The following FHOD3 variants were observed in gnomAD, a reference collection of about 807,000 sequenced individuals.
FHOD3 encodes the protein formin homology 2 domain containing 3.
FHOD3 carries 90 observed loss-of-function variants against 173.0 expected under a neutral mutation model. The observed-to-expected ratio is 0.52, with a 90% CI of 0.44 to 0.62. FHOD3 has a LOEUF of 0.62. Ranked by LOEUF, FHOD3 falls within the 20% of genes least tolerant of loss-of-function variation. FHOD3 has a pLI of 0.00. For synonymous variants in FHOD3, 828 were observed against 823.0 expected, an observed-to-expected ratio of 1.01 and a Z score of -0.10; for missense variants, 1,945 against 2,034.7, an observed-to-expected ratio of 0.96 and a Z score of 0.85.
rs932252150 is a variant in FHOD3, at chr18:36,693,126, C to T, written c.2022-83C>T. On this transcript the variant is annotated intron_variant, in intron 16 of 28. Transcript: ENST00000590592. The stretch of plus-strand genomic sequence containing the variant: ...GTGTGCATCAGGAAACCGGCTCATT[C>T]TGCAGGTGTTTCATCCATAAACAAG... 4.4e-6 allele frequency: 6 copies of T among 1,362,206 alleles called. No homozygotes were observed. In the African/African-American group the frequency reaches 8.7e-5, roughly 20 times the overall value. 84.4% of individuals were successfully genotyped at this position (1,362,206 alleles called of 1,614,324 possible).
chr18:36,700,985 G>T (rs1292852031), intron 17 of FHOD3, among the ~76,000 whole-genome samples: 1 of 152,218 alleles, frequency 6.6e-6, no homozygotes, highest in Non-Finnish European at 1.5e-5. Flanking sequence ...CAGTTGGGAT[G>T]CAGGGCTTAC....
At chr18:36,632,191 A>G (rs1328191719) in intron 10 of FHOD3, among the ~76,000 whole-genome samples, 1 of 152,246 alleles carries the variant, frequency 6.6e-6, no homozygotes, top group Non-Finnish European at 1.5e-5. Flanking sequence ...CCGTCAGCAT[A>G]TGACTCACCA....
intron 10 of FHOD3, among the ~76,000 whole-genome samples, chr18:36,632,507 T>C (rs759045096): frequency 6.6e-6 from 1 of 152,228 alleles, no homozygotes; most frequent in Non-Finnish European, 1.5e-5. Context: ...TATTAATATT[T>C]TGACCATTTT....
chr18:36,685,756 A>G (rs2038568884), intron 15 of FHOD3, among the ~76,000 whole-genome samples: 2 of 152,244 alleles, frequency 1.3e-5, no homozygotes, highest in Non-Finnish European at 2.9e-5. Context: ...GTTGAAAACC[A>G]TGATGTTAGG....
chr18:36,630,914 T>C (rs1420823715), intron 10 of FHOD3, among the ~76,000 whole-genome samples: 1 of 152,140 alleles, frequency 6.6e-6, no homozygotes, highest in Non-Finnish European at 1.5e-5. Context: ...TATAAATGGG[T>C]CTTGTGGGAG....
intron 3 of FHOD3, among the ~76,000 whole-genome samples, chr18:36,477,126 G>T (rs573978368): frequency 6.6e-6 from 1 of 152,214 alleles, no homozygotes; most frequent in Non-Finnish European, 1.5e-5. Flanking sequence ...TAAGGAGGAG[G>T]ACAGGGACAT....
intron 7 of FHOD3, among the ~76,000 whole-genome samples, chr18:36,597,523 T>A (rs1268311314): frequency 6.6e-6 from 1 of 152,126 alleles, no homozygotes; most frequent in Non-Finnish European, 1.5e-5. Context: ...GCCTCTCGGG[T>A]TCACGCCATT....
intron 3 of FHOD3, among the ~76,000 whole-genome samples, chr18:36,413,741 A>C (rs1187835259): frequency 1.3e-5 from 2 of 152,204 alleles, no homozygotes; most frequent in Non-Finnish European, 2.9e-5. Context: ...ACATTTTCTT[A>C]GTGTAGTAAA....
intron 3 of FHOD3, among the ~76,000 whole-genome samples, chr18:36,460,139 G>T (rs545312552): frequency 5.9e-5 from 9 of 152,234 alleles, no homozygotes; most frequent in Middle Eastern, 3.4e-3. Flanking sequence ...CATGACTTAC[G>T]ACTTGATGTT....
intron 5 of FHOD3, among the ~76,000 whole-genome samples, chr18:36,538,218 T>C (rs1397708273): frequency 6.6e-6 from 1 of 152,150 alleles, no homozygotes; most frequent in Admixed American, 6.5e-5. Context: ...TAGAACTAAA[T>C]GTCTATATTA....
chr18:36,570,900 G>A (rs2058429021), intron 5 of FHOD3, among the ~76,000 whole-genome samples: 1 of 152,064 alleles, frequency 6.6e-6, no homozygotes, highest in African/African-American at 2.4e-5. Context: ...AAAAACATAT[G>A]TCTAACATCA....
At chr18:36,692,976 GT>G in intron 16 of FHOD3, 2 of 574,850 alleles carry the variant, frequency 3.5e-6, no homozygotes, top group Non-Finnish European at 6.2e-6. Flanking sequence ...TCTAGGGACT[GT>G]GTGATGCTGC....
chr18:36,385,228 T>A (rs549878860), intron 3 of FHOD3, among the ~76,000 whole-genome samples: 2 of 152,366 alleles, frequency 1.3e-5, no homozygotes, highest in South Asian at 2.1e-4. Context: ...TATCCTTTTT[T>A]AAGCAGCCGA....
At chr18:36,584,687 G>A (rs2058967147) in intron 6 of FHOD3, among the ~76,000 whole-genome samples, 2 of 152,162 alleles carry the variant, frequency 1.3e-5, no homozygotes, top group African/African-American at 2.4e-5. Flanking sequence ...GTGGCCTGTA[G>A]TCCCAGCTAT....
intron 18 of FHOD3, among the ~76,000 whole-genome samples, chr18:36,715,740 G>T (rs1401737936): frequency 6.6e-6 from 1 of 152,200 alleles, no homozygotes; most frequent in East Asian, 1.9e-4. Context: ...GAGCTGTGAT[G>T]AAAAATAAAG....
chr18:36,653,516 G>A (rs937185084), intron 13 of FHOD3, 100 bp downstream of exon 13: 32 of 851,684 alleles, frequency 3.8e-5, no homozygotes, highest in Middle Eastern at 2.3e-4. Context: ...TTCCTACAAC[G>A]TGACACACAA....
intron 10 of FHOD3, among the ~76,000 whole-genome samples, chr18:36,646,642 A>G (rs1324696766): frequency 6.6e-6 from 1 of 152,204 alleles, no homozygotes; most frequent in African/African-American, 2.4e-5. Flanking sequence ...CGATGTAGGG[A>G]AAAAAATGTA....
chr18:36,503,738 T>G (rs2055155122), intron 4 of FHOD3, among the ~76,000 whole-genome samples: 1 of 152,176 alleles, frequency 6.6e-6, no homozygotes, highest in South Asian at 2.1e-4. Flanking sequence ...CAGAGGGAGT[T>G]ACTCTCTTGT....
intron 7 of FHOD3, among the ~76,000 whole-genome samples, chr18:36,600,998 A>T (rs181877348): frequency 6.6e-6 from 1 of 152,346 alleles, no homozygotes; most frequent in Admixed American, 6.5e-5. Flanking sequence ...GCATCCAGAT[A>T]TCTTAAACTG....
Sources: allele counts gnomAD v4.1 joint callset (sites outside exome capture counted in the v4.1 genomes callset), GRCh38; gene constraint gnomAD v4.1.1; transcripts MANE v1.5; gene names NCBI Gene and HGNC (gene_info 2026-07-23, HGNC 2026-07-21).